Variants in ANO3 observed in about 807,000 individuals in gnomAD.
ANO3 encodes anoctamin 3.
Under a neutral mutation model 144.8 loss-of-function variants are expected in ANO3, and 99 were observed. The ratio of observed to expected loss-of-function variants is 0.68; its 90% CI spans 0.58 to 0.81. The LOEUF (loss-of-function observed/expected upper bound fraction) is 0.81. Ranked by LOEUF, ANO3 falls within the 30% of genes least tolerant of loss-of-function variation. The probability of loss-of-function intolerance (pLI) is 0.00; values close to 1 mark genes in which losing one functional copy is unlikely to be tolerated. For synonymous variants in ANO3, 414 were observed against 392.6 expected (o/e 1.05, Z -0.64); for missense variants, 905 against 1,202.2 (o/e 0.75, Z 3.66).
At chr11:26,576,031 G>A (rs1565118326) in intron 14 of ANO3, among the ~76,000 whole-genome samples, 2 of 152,274 alleles carry the variant, frequency 1.3e-5, no homozygotes, top group South Asian at 4.1e-4. Context: ...AGACTTTGTC[G>A]CTCAGGTGGC....
intron 1 of ANO3, among the ~76,000 whole-genome samples, chr11:26,300,517 G>A (rs569195477): frequency 6.6e-6 from 1 of 152,272 alleles, no homozygotes; most frequent in Admixed American, 6.5e-5. Context: ...AACCAAGTAT[G>A]TAAGAATTGA....
chr11:26,475,564 A>AT (rs199830076), intron 4 of ANO3, among the ~76,000 whole-genome samples: 2,730 of 152,132 alleles, frequency 0.018, 46 homozygotes, highest in Non-Finnish European at 0.028. Context: ...ACAAACTGCA[A>AT]TTTTCCATAC....
chr11:26,197,739 A>G lies in ANO3; in HGVS notation c.154+8409A>G, dbSNP rs1851618288. On this transcript the variant is annotated intron_variant, in intron 1 of 27. Coordinates refer to the ANO3 transcript ENST00000672621. ...GGTTTACTTCATGGTCCTAAGTCAT[A>G]CTACCTCTTTATTCTTGTCAGCCTT... Among the ~76,000 whole-genome samples, 3 of 152,226 alleles carry G rather than the reference A, an allele frequency of 2.0e-5. No homozygotes were observed. The South Asian group carries it at 6.2e-4, about 32-fold the overall frequency.
intron 1 of ANO3, chr11:26,287,383 T>C (rs1034759493): frequency 3.3e-5 from 5 of 152,180 alleles, no homozygotes; most frequent in Non-Finnish European, 7.4e-5. Context: ...TCATTTACTA[T>C]TTACAACAAC....
intron 1 of ANO3, among the ~76,000 whole-genome samples, chr11:26,203,525 T>G (rs1430748783): frequency 6.6e-6 from 1 of 152,024 alleles, no homozygotes; most frequent in African/African-American, 2.4e-5. Flanking sequence ...ACTATGAAAA[T>G]GTGACAAGGC....
At chr11:26,463,212 T>A in intron 4 of ANO3, 64 bp downstream of exon 4, 3 of 812,600 alleles carry the variant, frequency 3.7e-6, no homozygotes, top group East Asian at 2.6e-5. Context: ...CTTACAATAT[T>A]CATCTACATA....
At chr11:26,211,718 C>G (rs1257554343) in intron 1 of ANO3, among the ~76,000 whole-genome samples, 3 of 152,140 alleles carry the variant, frequency 2.0e-5, no homozygotes, top group Non-Finnish European at 4.4e-5. Flanking sequence ...TGGATATATA[C>G]CCAGAGGATT....
intron 24 of ANO3, among the ~76,000 whole-genome samples, chr11:26,649,312 A>T (rs1362808939): frequency 6.6e-6 from 1 of 152,196 alleles, no homozygotes; most frequent in Admixed American, 6.5e-5. Flanking sequence ...ATCTGTTCTT[A>T]ATTATTTCTG....
intron 14 of ANO3, chr11:26,562,924 A>C: frequency 1.4e-6 from 1 of 710,112 alleles, no homozygotes; most frequent in Non-Finnish European, 2.0e-6. Flanking sequence ...ATGTTTTTTA[A>C]ATTTCAGTCA....
At chr11:26,445,418 T>A (rs1200696374) in intron 3 of ANO3, among the ~76,000 whole-genome samples, 1 of 152,222 alleles carries the variant, frequency 6.6e-6, no homozygotes. Context: ...CATTTTATTT[T>A]TGATGGCTTG....
chr11:26,603,131 C>A (rs1590620053), intron 17 of ANO3, among the ~76,000 whole-genome samples: 2 of 152,116 alleles, frequency 1.3e-5, no homozygotes, highest in East Asian at 3.9e-4. Context: ...ATAATGCTTC[C>A]TGGGCAAACA....
At chr11:26,415,317 G>T (rs1857552580) in intron 1 of ANO3, among the ~76,000 whole-genome samples, 1 of 151,958 alleles carries the variant, frequency 6.6e-6, no homozygotes, top group South Asian at 2.1e-4. Flanking sequence ...TACTTAGAAA[G>T]GTGTTGTCAA....
intron 17 of ANO3, among the ~76,000 whole-genome samples, chr11:26,603,515 A>C (rs1205153726): frequency 1.3e-5 from 2 of 152,016 alleles, no homozygotes; most frequent in Admixed American, 6.5e-5. Flanking sequence ...GAGACCCCTT[A>C]AATAACCAAA....
intron 14 of ANO3, among the ~76,000 whole-genome samples, chr11:26,566,352 T>C (rs1300177087): frequency 1.3e-5 from 2 of 152,068 alleles, no homozygotes; most frequent in Non-Finnish European, 2.9e-5. Flanking sequence ...TCATTTGAAA[T>C]ATTTATTATG....
chr11:26,301,218 T>C (rs918751409), intron 1 of ANO3, among the ~76,000 whole-genome samples: 2 of 152,184 alleles, frequency 1.3e-5, no homozygotes, highest in Admixed American at 1.3e-4. Flanking sequence ...GAATGACAGA[T>C]TGTTACCACT....
At chr11:26,191,576 A>G (rs1012961928) in intron 1 of ANO3, among the ~76,000 whole-genome samples, 1 of 152,194 alleles carries the variant, frequency 6.6e-6, no homozygotes, top group African/African-American at 2.4e-5. Context: ...ATGATTCTGT[A>G]TAACCTGTGT....
intron 24 of ANO3, 110 bp downstream of exon 24, chr11:26,647,966 T>C (rs997164301): frequency 3.0e-5 from 31 of 1,038,878 alleles, no homozygotes; most frequent in Non-Finnish European, 3.9e-5. Context: ...TTTCTAAGCA[T>C]TGCATTTATA....
chr11:26,332,342 C>T, intron 1 of ANO3, 21 bp downstream of exon 1: 1 of 1,613,282 alleles, frequency 6.2e-7, no homozygotes, highest in Non-Finnish European at 8.5e-7. Flanking sequence ...ATCTTGCTCC[C>T]CTCTCCCTGC....
chr11:26,390,169 T>G (rs1366991450), intron 1 of ANO3, among the ~76,000 whole-genome samples: 3 of 152,086 alleles, frequency 2.0e-5, no homozygotes, highest in African/African-American at 4.8e-5. Flanking sequence ...GTGAAGCTCT[T>G]GGAGTATTAA....
Sources: allele counts gnomAD v4.1 joint callset (sites outside exome capture counted in the v4.1 genomes callset), GRCh38; gene constraint gnomAD v4.1.1; transcripts MANE v1.5; gene names NCBI Gene and HGNC (gene_info 2026-07-23, HGNC 2026-07-21).